Variants in SAMD12 observed in about 807,000 individuals in gnomAD.
SAMD12 encodes sterile alpha motif domain-containing protein 12.
A neutral mutation model predicts 15.0 loss-of-function variants in SAMD12; 9 were observed. The observed-to-expected ratio is 0.60, with a 90% CI of 0.36 to 1.05. SAMD12 has a LOEUF of 1.05. Ranked by LOEUF, SAMD12 falls within the 50% of genes least tolerant of loss-of-function variation. The pLI is 0.01. For missense variants in SAMD12, 230 were observed against 234.2 expected (o/e 0.98, Z 0.12); for synonymous variants, 86 against 90.1 (o/e 0.96, Z 0.25).
chr8:118,180,902 G>A, the SAMD12 span, among the ~76,000 whole-genome samples: 2 of 152,136 alleles, frequency 1.3e-5, no homozygotes, highest in Non-Finnish European at 2.9e-5. Flanking sequence ...TGGAATCCAG[G>A]TTTTCCAGAT....
intron 1 of SAMD12, chr8:118,621,216 A>G (rs998149231): frequency 1.3e-5 from 2 of 153,056 alleles, no homozygotes; most frequent in Admixed American, 1.3e-4. Context: ...CTGGCTGATT[A>G]CATTTCATGT....
intron 4 of SAMD12, among the ~76,000 whole-genome samples, chr8:118,245,245 C>G (rs1055201026): frequency 6.6e-6 from 1 of 152,084 alleles, no homozygotes; most frequent in African/African-American, 2.4e-5. Flanking sequence ...TACTAAGAAG[C>G]CTCGAGTTTC....
the SAMD12 span, among the ~76,000 whole-genome samples, chr8:118,171,326 C>T: frequency 1.3e-5 from 2 of 152,272 alleles, no homozygotes; most frequent in African/African-American, 4.8e-5. Context: ...CTCCTTAGTA[C>T]ACTCCTTAGT....
the SAMD12 span, among the ~76,000 whole-genome samples, chr8:118,144,270 A>T: frequency 6.6e-6 from 1 of 152,234 alleles, no homozygotes; most frequent in South Asian, 2.1e-4. Context: ...ATAAAATCAC[A>T]TCACAAGCTC....
the SAMD12 span, among the ~76,000 whole-genome samples, chr8:118,146,007 GC>G: frequency 1.3e-5 from 2 of 152,232 alleles, no homozygotes; most frequent in African/African-American, 4.8e-5. Flanking sequence ...CCCCATGGCT[GC>G]CACATAGTGT....
chr8:118,562,731 A>G (rs1308959875), intron 2 of SAMD12, among the ~76,000 whole-genome samples: 2 of 152,246 alleles, frequency 1.3e-5, no homozygotes, highest in African/African-American at 4.8e-5. Flanking sequence ...TTCCCTGAAG[A>G]TATTTATTTA....
chr8:118,380,686 A>G (rs73327519), intron 3 of SAMD12, among the ~76,000 whole-genome samples: 3,372 of 152,318 alleles, frequency 0.022, 116 homozygotes, highest in African/African-American at 0.074. Context: ...CAGATGAAGA[A>G]GAGACAGAGG....
At chr8:118,549,359 C>A (rs1239409162) in intron 2 of SAMD12, among the ~76,000 whole-genome samples, 3 of 152,224 alleles carry the variant, frequency 2.0e-5, no homozygotes, top group Non-Finnish European at 4.4e-5. Flanking sequence ...CAGACAGCAG[C>A]ATTCGTGGTT....
chr8:118,146,081 T>A, the SAMD12 span, among the ~76,000 whole-genome samples: 2 of 152,210 alleles, frequency 1.3e-5, no homozygotes, highest in African/African-American at 4.8e-5. Flanking sequence ...CAAGGTGCCA[T>A]GGGAGCTTAA....
chr8:118,157,412 G>C, the SAMD12 span, among the ~76,000 whole-genome samples: 1 of 152,212 alleles, frequency 6.6e-6, no homozygotes, highest in Non-Finnish European at 1.5e-5. Flanking sequence ...TACCTCCAGG[G>C]ACAGAAGGTC....
intron 2 of SAMD12, among the ~76,000 whole-genome samples, chr8:118,576,243 C>T (rs958639743): frequency 5.9e-5 from 9 of 152,120 alleles, no homozygotes; most frequent in African/African-American, 2.2e-4. Flanking sequence ...CTAGCATGAC[C>T]AAAGAAATAC....
intron 2 of SAMD12, among the ~76,000 whole-genome samples, chr8:118,476,334 G>A (rs753473935): frequency 4.6e-5 from 7 of 152,190 alleles, no homozygotes; most frequent in Non-Finnish European, 8.8e-5. Context: ...TCTTTAGACA[G>A]AGGACAGGAG....
intron 2 of SAMD12, among the ~76,000 whole-genome samples, chr8:118,515,902 A>G (rs1477102694): frequency 1.3e-5 from 2 of 152,228 alleles, no homozygotes; most frequent in African/African-American, 4.8e-5. Context: ...GCAGCCTTCA[A>G]TCCCATGATC....
rs899049311 is a variant in SAMD12, at chr8:118,603,531, A to G, written c.13+18273T>C. 1.4e-4 allele frequency among the ~76,000 whole-genome samples: 22 copies of G among 152,366 alleles called. 3 individuals are homozygous for G. The highest frequency in any genetic ancestry group is 1.3e-3 in the Admixed American group (20 of 15,296). ...AAAAAAGTTTAAAGCCAGTCAACTT[A>G]CAAATTAAGTACAAGGGTAGAATAA... is the stretch of plus-strand genomic sequence containing the variant. On this transcript the variant is annotated intron_variant, in intron 1 of 3. Coordinates refer to ENST00000314727, the MANE Select transcript of SAMD12 (RefSeq NM_207506.3).
chr8:118,428,558 T>A (rs1822306758), intron 3 of SAMD12, among the ~76,000 whole-genome samples: 1 of 152,222 alleles, frequency 6.6e-6, no homozygotes, highest in South Asian at 2.1e-4. Context: ...TGCTTCCTTC[T>A]ATAAAGTTTT....
At chr8:118,312,311 C>T (rs1393182030) in intron 4 of SAMD12, among the ~76,000 whole-genome samples, 1 of 152,160 alleles carries the variant, frequency 6.6e-6, no homozygotes, top group Non-Finnish European at 1.5e-5. Context: ...CTACACTATG[C>T]CTGTCTCTGA....
intron 2 of SAMD12, among the ~76,000 whole-genome samples, chr8:118,461,632 A>G (rs1823426145): frequency 6.6e-6 from 1 of 152,194 alleles, no homozygotes; most frequent in Admixed American, 6.5e-5. Context: ...ACGGGACAGT[A>G]CTTTTCAACT....
At chr8:118,449,813 AAAAAC>A (rs1247500176) in intron 2 of SAMD12, among the ~76,000 whole-genome samples, 8 of 143,694 alleles carry the variant, frequency 5.6e-5, no homozygotes, top group African/African-American at 2.0e-4. Context: ...AAAAAAAAAA[AAAAAC>A]AACAAAAAAA....
intron 1 of SAMD12, among the ~76,000 whole-genome samples, chr8:118,587,256 T>C (rs1218293024): frequency 6.6e-6 from 1 of 152,244 alleles, no homozygotes; most frequent in Non-Finnish European, 1.5e-5. Flanking sequence ...TAATATAATA[T>C]ACACATAACA....
Sources: gnomAD v4.1 joint callset for allele counts (sites outside exome capture counted in the v4.1 genomes callset) on GRCh38, gnomAD v4.1.1 for gene constraint, MANE v1.5 for transcripts, NCBI Gene and HGNC (gene_info 2026-07-23, HGNC 2026-07-21) for gene names.